The following NCMAP variants were observed in gnomAD, a reference collection of about 807,000 sequenced individuals.
NCMAP encodes the protein noncompact myelin-associated protein.
In NCMAP, 8 loss-of-function variants were observed where a neutral mutation model predicts 7.8. The observed-to-expected ratio is 1.02, with a 90% CI of 0.60 to 1.84. The LOEUF is 1.84. Ranked by LOEUF, NCMAP falls within the 40% of genes most tolerant of loss-of-function variation. The pLI is 0.00. For synonymous variants in NCMAP, 41 were observed against 52.9 expected, an observed-to-expected ratio of 0.78 and a Z score of 0.98; for missense variants, 112 against 131.4, an observed-to-expected ratio of 0.85 and a Z score of 0.72.
intron 1 of NCMAP, among the ~76,000 whole-genome samples, chr1:24,567,272 T>C (rs1336298662): frequency 6.6e-6 from 1 of 152,104 alleles, no homozygotes; most frequent in Admixed American, 6.5e-5. Flanking sequence ...AGGGAGCACC[T>C]AGAATAGAAA....
intron 1 of NCMAP, among the ~76,000 whole-genome samples, chr1:24,589,855 T>C (rs1651997633): frequency 6.6e-6 from 1 of 152,136 alleles, no homozygotes; most frequent in South Asian, 2.1e-4. Flanking sequence ...CAGAGTCTTG[T>C]TCTGTCACCC....
At chr1:24,568,031 G>A (rs977774191) in intron 1 of NCMAP, among the ~76,000 whole-genome samples, 1 of 152,062 alleles carries the variant, frequency 6.6e-6, no homozygotes, top group African/African-American at 2.4e-5. Context: ...TCCCGTGACC[G>A]CTCGTCACCT....
At chr1:24,587,773 A>C (rs1651934176) in intron 1 of NCMAP, among the ~76,000 whole-genome samples, 1 of 151,468 alleles carries the variant, frequency 6.6e-6, no homozygotes, top group Non-Finnish European at 1.5e-5. Context: ...TCGGCCTCCC[A>C]AAATGCTGGG....
At chr1:24,583,287 G>T (rs551197194) in intron 1 of NCMAP, among the ~76,000 whole-genome samples, 121 of 152,264 alleles carry the variant, frequency 7.9e-4, no homozygotes, top group African/African-American at 2.8e-3. Flanking sequence ...ATCCTATAAT[G>T]CACAGGACAG....
At chr1:24,593,896 ATTTATTT>A (rs1652130613) in intron 1 of NCMAP, among the ~76,000 whole-genome samples, 1 of 90,536 alleles carries the variant, frequency 1.1e-5, no homozygotes, top group African/African-American at 3.3e-5. Flanking sequence ...TTATTTATTT[ATTTATTT>A]TTTATTTTGA....
At chr1:24,592,623 T>C (rs150792455) in intron 1 of NCMAP, among the ~76,000 whole-genome samples, 37 of 152,266 alleles carry the variant, frequency 2.4e-4, no homozygotes, top group Non-Finnish European at 5.0e-4. Flanking sequence ...TTTTTTCTTA[T>C]AAAGAAGAAC....
intron 1 of NCMAP, among the ~76,000 whole-genome samples, chr1:24,560,202 T>G (rs959446236): frequency 2.7e-5 from 4 of 149,802 alleles, no homozygotes; most frequent in African/African-American, 9.8e-5. Context: ...TCCCTTTGCC[T>G]CTGAAGAAAC....
intron 3 of NCMAP, among the ~76,000 whole-genome samples, chr1:24,605,134 A>G (rs1420476844): frequency 6.6e-6 from 1 of 151,930 alleles, no homozygotes; most frequent in African/African-American, 2.4e-5. Context: ...AAAAAAAAAA[A>G]GAATTAATAA....
chr1:24,565,802 G>C (rs11249134), intron 1 of NCMAP, among the ~76,000 whole-genome samples: 16,604 of 151,978 alleles, frequency 0.11, 1,135 homozygotes, highest in African/African-American at 0.19. Context: ...GTCTCACTCT[G>C]TTGCCCAGTG....
chr1:24,575,165 C>T (rs1188611902), intron 1 of NCMAP, among the ~76,000 whole-genome samples: 1 of 151,716 alleles, frequency 6.6e-6, no homozygotes, highest in Non-Finnish European at 1.5e-5. Context: ...GACCCGAGAT[C>T]GTGCCACTGC....
chr1:24,571,760 G>A (rs7553170), intron 1 of NCMAP, among the ~76,000 whole-genome samples: 93,634 of 148,844 alleles, frequency 0.63, 30,377 homozygotes, highest in African/African-American at 0.68. Flanking sequence ...TAATTTTTGT[G>A]TTTTTGGTAG....
At chr1:24,596,280 A>G (rs1652221764) in intron 2 of NCMAP, among the ~76,000 whole-genome samples, 2 of 152,096 alleles carry the variant, frequency 1.3e-5, no homozygotes, top group African/African-American at 4.8e-5. Flanking sequence ...AACAAACAAA[A>G]AAATATTACT....
chr1:24,605,401 G>A lies in NCMAP; in HGVS notation c.168-205G>A, dbSNP rs573149175. Among the ~76,000 whole-genome samples, 7 of 152,206 alleles carry A rather than the reference G, an allele frequency of 4.6e-5. No individual in the cohort carries two copies. The South Asian group carries it at 1.2e-3, about 27-fold the overall frequency. ...TAGAAACAAATAAAATTAAATATCT[G>A]ATCTAAGTGAAAAAATTGAAGGGCA... is the stretch of plus-strand genomic sequence containing the variant. On this transcript the variant is annotated intron_variant, in intron 3 of 3. Coordinates refer to ENST00000374392, the MANE Select transcript of NCMAP (RefSeq NM_001010980.5).
chr1:24,597,176 G>A (rs928160712), intron 2 of NCMAP, among the ~76,000 whole-genome samples: 1 of 152,066 alleles, frequency 6.6e-6, no homozygotes, highest in Non-Finnish European at 1.5e-5. Context: ...TCACTATCAG[G>A]AAGACGAGAA....
chr1:24,571,132 A>G (rs1013733550), intron 1 of NCMAP, among the ~76,000 whole-genome samples: 1 of 150,834 alleles, frequency 6.6e-6, no homozygotes, highest in Non-Finnish European at 1.5e-5. Flanking sequence ...GTTGTCCAAT[A>G]TAATGTGAGC....
chr1:24,565,284 TGACAGGGAACTGTTGAATTCAAG>T (rs56244236), intron 1 of NCMAP, among the ~76,000 whole-genome samples: 19,669 of 151,638 alleles, frequency 0.13, 1,775 homozygotes, highest in African/African-American at 0.26. Flanking sequence ...AAACTGAACT[TGACAGGGAACTGTTGAATTCAAG>T]GACACATACA....
intron 1 of NCMAP, among the ~76,000 whole-genome samples, chr1:24,588,160 C>A (rs1339630159): frequency 6.0e-5 from 9 of 150,752 alleles, no homozygotes. Flanking sequence ...TGGCTCACTG[C>A]AGCCTCAAAC....
intron 1 of NCMAP, among the ~76,000 whole-genome samples, chr1:24,569,528 T>G (rs1434849624): frequency 6.6e-6 from 1 of 150,602 alleles, no homozygotes; most frequent in African/African-American, 2.5e-5. Flanking sequence ...GTAACAATGT[T>G]CATTGATTGA....
intron 1 of NCMAP, among the ~76,000 whole-genome samples, chr1:24,574,417 C>A (rs901277013): frequency 6.6e-6 from 1 of 152,058 alleles, no homozygotes; most frequent in Non-Finnish European, 1.5e-5. Flanking sequence ...CCGCGCCCGG[C>A]CAACGGGACT....
Sources: gnomAD v4.1 joint callset for allele counts (sites outside exome capture counted in the v4.1 genomes callset) on GRCh38, gnomAD v4.1.1 for gene constraint, MANE v1.5 for transcripts, NCBI Gene and HGNC (gene_info 2026-07-23, HGNC 2026-07-21) for gene names.